Variants in FCGR2B observed in about 807,000 individuals in gnomAD.
FCGR2B encodes low affinity immunoglobulin gamma Fc region receptor II-b.
In FCGR2B, 18 loss-of-function variants were observed where a neutral mutation model predicts 24.8. The ratio of observed to expected loss-of-function variants is 0.73; its 90% CI spans 0.50 to 1.08. FCGR2B has a LOEUF of 1.08. FCGR2B is among the 50% of genes least tolerant of loss of function. FCGR2B has a pLI of 0.00. For missense variants in FCGR2B, 215 were observed against 297.6 expected (o/e 0.72, Z 2.04); for synonymous variants, 79 against 109.8 (o/e 0.72, Z 1.75).
chr1:161,671,389 C>G lies in FCGR2B; in HGVS notation c.134-3C>G. 6.2e-7 allele frequency: 1 copy of G among 1,614,194 alleles called. No homozygotes were observed. The highest frequency in any genetic ancestry group is 8.5e-7 in the Non-Finnish European group (1 of 1,180,042). ...CATGCTACCTCCTCTCTCTGCCCCTCAGCAGCTCCCCCAAAGGCTGTGCTG... is the reference window on the plus strand; with the variant it reads ...CATGCTACCTCCTCTCTCTGCCCCTGAGCAGCTCCCCCAAAGGCTGTGCTG... On this transcript the variant is annotated splice_polypyrimidine_tract_variant and splice_region_variant and intron_variant, in intron 2 of 7. Coordinates refer to ENST00000358671, the MANE Select transcript of FCGR2B (RefSeq NM_001394477.1).
rs72554670 is a variant in FCGR2B at position 161,677,570 on chromosome 1, T to G, written c.*17T>G. On this transcript the variant is annotated 3_prime_UTR_variant, in exon 8 of 8. Transcript: ENST00000358671. Reference sequence around the variant, plus strand: ...CGTATTTAGTCTCCATTGTCTTGCATTGGGATTTGAGAAGAAAATCAGAGA... The same window carrying G: ...CGTATTTAGTCTCCATTGTCTTGCAGTGGGATTTGAGAAGAAAATCAGAGA... 1 of 1,584,868 alleles carries G rather than the reference T, an allele frequency of 6.3e-7. No individual in the cohort carries two copies. Among genetic ancestry groups the G allele is most frequent in the East Asian group, 2.2e-5 (1 of 44,744 alleles).
Position 161,672,929 on chromosome 1 carries a change from T to C in FCGR2B, c.392-46T>C, listed in dbSNP as rs1417699093. 1.9e-6 allele frequency: 3 copies of C among 1,610,974 alleles called. No individual in the cohort carries two copies. In the African/African-American group the frequency reaches 4.0e-5, roughly 22 times the overall value. ...GTAAGGAAGATCTGGGTCTCAGAGC[T>C]GAGCCAAGACCTCCCGGGTCCTCTG... On this transcript the variant is annotated intron_variant, in intron 3 of 7. Transcript: ENST00000358671.
intron 5 of FCGR2B, chr1:161,674,340 G>C: frequency 3.1e-6 from 1 of 322,534 alleles, no homozygotes; most frequent in Non-Finnish European, 6.1e-6. Context: ...AGCATTGTGA[G>C]GAAGACAGGG....
Position 161,677,249 on chromosome 1 carries a change from T to G in FCGR2B, c.818-79T>G, listed in dbSNP as rs1417553789. Reference sequence around the variant, plus strand: ...GCTTTGGCTCTAGTTTGGGCGTTGGTTTTGCAGCCTCAGCATCAGCACAGG... The same window carrying G: ...GCTTTGGCTCTAGTTTGGGCGTTGGGTTTGCAGCCTCAGCATCAGCACAGG... On this transcript the variant is annotated intron_variant, in intron 6 of 7. Transcript: ENST00000358671. 4.8e-6 allele frequency: 7 copies of G among 1,458,282 alleles called. No homozygotes were observed. In the East Asian group the frequency reaches 1.6e-4, roughly 33 times the overall value. 90.3% of individuals were successfully genotyped at this position (1,458,282 alleles called of 1,614,324 possible).
upstream of FCGR2B, among the ~76,000 whole-genome samples, chr1:161,661,118 G>C (rs1379400573): frequency 9.6e-6 from 1 of 103,678 alleles, no homozygotes; most frequent in African/African-American, 4.1e-5. Context: ...ACTCTGGCAA[G>C]TAAGAAAGAA....
the FCGR2B span, among the ~76,000 whole-genome samples, chr1:161,648,513 T>C: frequency 0.038 from 5,713 of 150,466 alleles, 551 homozygotes; most frequent in African/African-American, 0.13. Context: ...CATTTGGATA[T>C]CCTTTTTTAT....
intron 2 of FCGR2B, among the ~76,000 whole-genome samples, chr1:161,670,909 C>A (rs1433972330): frequency 6.7e-6 from 1 of 148,758 alleles, no homozygotes; most frequent in African/African-American, 2.5e-5. Flanking sequence ...AGAACGGAAA[C>A]CTGATATCCA....
chr1:161,651,702 G>A, the FCGR2B span, among the ~76,000 whole-genome samples: 3 of 120,992 alleles, frequency 2.5e-5, no homozygotes, highest in East Asian at 6.2e-4. Context: ...TTGGGAGGCC[G>A]AGGGGGGTGG....
chr1:161,653,295 T>C, the FCGR2B span, among the ~76,000 whole-genome samples: 6 of 132,430 alleles, frequency 4.5e-5, 2 homozygotes. Flanking sequence ...CCCAGTTACT[T>C]GGGAGGCTGA....
Position 161,677,351 on chromosome 1 carries a change from G to A in FCGR2B, c.841G>A (p.Ala281Thr), listed in dbSNP as rs753362623. The A allele has an allele frequency of 1.2e-6, 2 of 1,613,780 alleles. No individual in the cohort carries two copies. Reference sequence around the variant, plus strand: ...AGCCAATCCCACTAATCCTGATGAGGCTGACAAAGTTGGGGTGAGTGATCC... The same window carrying A: ...AGCCAATCCCACTAATCCTGATGAGACTGACAAAGTTGGGGTGAGTGATCC... ...KPANPTNPDE[A>T]DKVGAENTIT... The change falls in exon 7 of 8, where the codon GCT becomes ACT. Residue 281 changes from alanine to threonine, a missense_variant. Transcript: ENST00000358671.
chr1:161,656,332 A>C, the FCGR2B span, among the ~76,000 whole-genome samples: 1 of 134,944 alleles, frequency 7.4e-6, no homozygotes, highest in Non-Finnish European at 1.7e-5. Context: ...ATCCATCCCC[A>C]CCCCATCTTT....
chr1:161,654,643 C>A, the FCGR2B span, among the ~76,000 whole-genome samples: 3 of 132,784 alleles, frequency 2.3e-5, 1 homozygote, highest in Non-Finnish European at 5.3e-5. Context: ...CAGTTCTTGG[C>A]CACATCTGGC....
rs956815390 is a variant in FCGR2B, at chr1:161,677,833, T to C, written c.*280T>C. ...CAGCCAATCCAATTAATCAAACCAC[T>C]GTTATTAACAGATAATAGCAACTTG... On this transcript the variant is annotated 3_prime_UTR_variant, in exon 8 of 8. Coordinates refer to ENST00000358671, the MANE Select transcript of FCGR2B (RefSeq NM_001394477.1). The C allele has an allele frequency of 2.4e-6, 1 of 410,080 alleles. No homozygotes were observed. The highest frequency in any genetic ancestry group is 4.3e-6 in the Non-Finnish European group (1 of 231,580). 25.4% of individuals were successfully genotyped at this position (410,080 alleles called of 1,614,324 possible).
At chr1:161,648,753 A>C in the FCGR2B span, among the ~76,000 whole-genome samples, 1 of 150,598 alleles carries the variant, frequency 6.6e-6, no homozygotes, top group Admixed American at 6.7e-5. Flanking sequence ...ACAGTGGCGC[A>C]AGCTTGGCTC....
At chr1:161,675,147 G>A (rs1312497114) in intron 5 of FCGR2B, 110 bp from the exon 6 acceptor site, 3 of 722,134 alleles carry the variant, frequency 4.2e-6, no homozygotes, top group Non-Finnish European at 6.9e-6. Context: ...GGAAACATCT[G>A]CCAGAGTGAA....
the FCGR2B span, among the ~76,000 whole-genome samples, chr1:161,647,295 C>CTTTTTTTTTTTTTTTT: frequency 7.6e-6 from 1 of 131,562 alleles, no homozygotes; most frequent in Admixed American, 7.7e-5. Context: ...TTGCTCTGGA[C>CTTTTTTTTTTTTTTTT]TCTTTTTTTT....
chr1:161,671,761 C>A, intron 3 of FCGR2B, 112 bp downstream of exon 3: 2 of 1,561,438 alleles, frequency 1.3e-6, no homozygotes, highest in South Asian at 2.4e-5. Context: ...GGAAGTATCG[C>A]TGTGAGTTGC....
At chr1:161,653,259 T>G in the FCGR2B span, among the ~76,000 whole-genome samples, 1 of 132,098 alleles carries the variant, frequency 7.6e-6, no homozygotes, top group East Asian at 2.0e-4. Flanking sequence ...CAAAATTAGC[T>G]GGGCATGGTG....
At chr1:161,660,976 A>T (rs1680963602), upstream of FCGR2B, among the ~76,000 whole-genome samples, 1 of 81,894 alleles carries the variant, frequency 1.2e-5, no homozygotes, top group Admixed American at 1.3e-4. Flanking sequence ...TGGGAGGAGG[A>T]AGCAGGAGAA....
Sources: allele counts gnomAD v4.1 joint callset (sites outside exome capture counted in the v4.1 genomes callset), GRCh38; gene constraint gnomAD v4.1.1; transcripts MANE v1.5; gene names NCBI Gene and HGNC (gene_info 2026-07-23, HGNC 2026-07-21).